Variants in RAD51 observed in about 807,000 individuals in gnomAD.
The protein encoded by RAD51 is RAD51 recombinase.
Under a neutral mutation model 41.5 loss-of-function variants are expected in RAD51, and 14 were observed. That is an observed-to-expected ratio of 0.34 (90% CI 0.22 to 0.53). The LOEUF (loss-of-function observed/expected upper bound fraction) is 0.53. RAD51 is among the 20% of genes least tolerant of loss of function. The pLI is 0.95. For synonymous variants in RAD51, 136 were observed against 148.6 expected (o/e 0.92, Z 0.62); for missense variants, 234 against 422.0 (o/e 0.55, Z 3.90).
intron 1 of RAD51, among the ~76,000 whole-genome samples, chr15:40,697,244 G>A (rs1455162566): frequency 6.6e-6 from 1 of 152,096 alleles, no homozygotes; most frequent in South Asian, 2.1e-4. Context: ...GGGATTACAG[G>A]CATGTGCCAC....
chr15:40,696,824 A>T (rs532882943), intron 1 of RAD51, among the ~76,000 whole-genome samples: 1 of 149,940 alleles, frequency 6.7e-6, no homozygotes, highest in African/African-American at 2.4e-5. Context: ...GTAATGTCTT[A>T]ATGTGATTTT....
chr15:40,707,787 G>A (rs1399164588), intron 4 of RAD51, among the ~76,000 whole-genome samples: 2 of 151,676 alleles, frequency 1.3e-5, no homozygotes, highest in African/African-American at 2.4e-5. Flanking sequence ...GCACAATCTC[G>A]GCTCATTGCA....
intron 5 of RAD51, among the ~76,000 whole-genome samples, chr15:40,710,882 T>G (rs1160353335): frequency 1.3e-5 from 2 of 152,188 alleles, no homozygotes; most frequent in African/African-American, 4.8e-5. Context: ...CTCTTGTACC[T>G]CTCTATGAGA....
In RAD51 at chr15:40,719,603, C is replaced by T. The variant is rs568946802; in HGVS notation, c.530+704C>T. ...ATCCCAACACTTTGGGAGGCTGAAGCGGGTGGATCACGAGGTCAGGAGATC... is the reference window on the plus strand; with the variant it reads ...ATCCCAACACTTTGGGAGGCTGAAGTGGGTGGATCACGAGGTCAGGAGATC... On this transcript the variant is annotated intron_variant, in intron 6 of 9. Coordinates refer to ENST00000267868, the MANE Select transcript of RAD51 (RefSeq NM_002875.5). Among the ~76,000 whole-genome samples, 56 of 152,254 alleles carry T rather than the reference C, an allele frequency of 3.7e-4. No homozygotes were observed. In the South Asian group the frequency reaches 8.5e-3, roughly 23 times the overall value.
chr15:40,720,687 C>T (rs887470298), intron 6 of RAD51, among the ~76,000 whole-genome samples: 1 of 151,288 alleles, frequency 6.6e-6, no homozygotes, highest in Admixed American at 6.6e-5. Context: ...ATATACTAGA[C>T]AATAACAATT....
chr15:40,724,673 T>TG lies in RAD51; in HGVS notation c.531-4038_531-4037insG, dbSNP rs1491194307. 8.0e-4 allele frequency among the ~76,000 whole-genome samples: 66 copies of TG among 82,064 alleles called. 2 individuals are homozygous for TG. The highest frequency in any genetic ancestry group is 7.0e-3 in the Middle Eastern group (1 of 142). The allele number at this position is 82,064 out of a possible 152,430, so 53.8% of individuals were successfully genotyped here. A position where few individuals can be genotyped will look rare whatever the true frequency, so the allele number is the denominator to read the frequency against. ...ACCAAGCCCAGCTAATTTTTTTATT[T>TG]CTTTTTTTTTTTTTTTTTTTTTTTG... is the stretch of plus-strand genomic sequence containing the variant. On this transcript the variant is annotated intron_variant, in intron 6 of 9. Transcript: ENST00000267868.
Position 40,731,083 on chromosome 15 carries a change from A to G in RAD51, c.925A>G (p.Thr309Ala). The change falls in exon 10 of 10, where the codon ACC becomes GCC. Residue 309 changes from threonine (T) to alanine (A), a missense_variant. Physicochemically the swap from Thr to Ala is moderately conservative, Grantham distance 58. This residue lies in a region of RAD51 where 134 missense variants were observed against 286.5 expected (regional missense o/e 0.47). Transcript: ENST00000267868. ...RLYLRKGRGE[T>A]RICKIYDSPC... ...GTATCTGAGGAAAGGAAGAGGGGAA[A>G]CCAGAATCTGCAAAATCTACGACTC... is the stretch of plus-strand genomic sequence containing the variant. 6.2e-7 allele frequency: 1 copy of G among 1,614,126 alleles called. No homozygotes were observed. The highest frequency in any genetic ancestry group is 8.5e-7 in the Non-Finnish European group (1 of 1,180,012).
chr15:40,719,951 A>C (rs1896190795), intron 6 of RAD51, among the ~76,000 whole-genome samples: 1 of 152,238 alleles, frequency 6.6e-6, no homozygotes, highest in Admixed American at 6.5e-5. Flanking sequence ...AAACCCCAAA[A>C]TAACATGAAA....
chr15:40,715,438 C>A (rs536874793), intron 5 of RAD51, among the ~76,000 whole-genome samples: 35 of 152,272 alleles, frequency 2.3e-4, no homozygotes, highest in African/African-American at 7.9e-4. Context: ...GAACATTTCA[C>A]ATATATGCAA....
chr15:40,725,973 G>T (rs967791907), intron 6 of RAD51, among the ~76,000 whole-genome samples: 1 of 151,576 alleles, frequency 6.6e-6, no homozygotes, highest in Admixed American at 6.6e-5. Context: ...GCGACAGAGT[G>T]AGACTCCATC....
intron 5 of RAD51, 116 bp from the exon 6 acceptor site, chr15:40,718,685 GTCAT>G (rs1162853074): frequency 2.3e-6 from 2 of 868,384 alleles, no homozygotes; most frequent in African/African-American, 3.3e-5. Flanking sequence ...TCCTACCACT[GTCAT>G]TTTTAAATGT....
At chr15:40,712,501 A>G (rs923135359) in intron 5 of RAD51, among the ~76,000 whole-genome samples, 2 of 152,210 alleles carry the variant, frequency 1.3e-5, no homozygotes, top group African/African-American at 2.4e-5. Flanking sequence ...ACAAACTTTC[A>G]TCTTTTCTGC....
At chr15:40,724,879 A>AT (rs1375603411) in intron 6 of RAD51, among the ~76,000 whole-genome samples, 5 of 91,870 alleles carry the variant, frequency 5.4e-5, no homozygotes, top group Admixed American at 1.3e-4. Flanking sequence ...ATTTTTTTTA[A>AT]TTTTTTTTAA....
At chr15:40,703,866 T>C (rs1466753504) in intron 3 of RAD51, among the ~76,000 whole-genome samples, 1 of 152,010 alleles carries the variant, frequency 6.6e-6, no homozygotes, top group African/African-American at 2.4e-5. Flanking sequence ...CTGCTTGCTT[T>C]GTTTTGTTTG....
At chr15:40,698,005 A>G (rs1287413447) in intron 1 of RAD51, among the ~76,000 whole-genome samples, 14 of 152,206 alleles carry the variant, frequency 9.2e-5, no homozygotes, top group Admixed American at 8.5e-4. Context: ...TATACATTAC[A>G]TTAGTGTTTA....
intron 5 of RAD51, among the ~76,000 whole-genome samples, chr15:40,713,246 T>TC (rs1480956778): frequency 4.5e-5 from 1 of 22,138 alleles, no homozygotes; most frequent in African/African-American, 1.3e-4. Flanking sequence ...CTTATTTTCC[T>TC]TTTTTTTTTT....
chr15:40,713,895 C>T (rs1319962838), intron 5 of RAD51, among the ~76,000 whole-genome samples: 6 of 152,124 alleles, frequency 3.9e-5, no homozygotes, highest in African/African-American at 1.2e-4. Context: ...TGTGAGCCAC[C>T]GTGCCTGGCT....
At chr15:40,714,939 T>C in intron 5 of RAD51, among the ~76,000 whole-genome samples, 1 of 152,238 alleles carries the variant, frequency 6.6e-6, no homozygotes, top group East Asian at 1.9e-4. Context: ...TTTGGGAGGC[T>C]GAGGCCGGAG....
In RAD51 at chr15:40,729,921, T is replaced by A. The variant is rs759891384; in HGVS notation, c.843T>A (p.Ala281=). 6 of 1,614,232 alleles carry A rather than the reference T, an allele frequency of 3.7e-6. No homozygotes were observed. The highest frequency in any genetic ancestry group is 5.1e-6 in the Non-Finnish European group (6 of 1,180,020). ...TGGATGGAGCAGCGATGTTTGCTGC[T>A]GATCCCAAAAAACCTATTGGAGGAA... ...AQVDGAAMFA[A]DPKKPIGGNI... The change falls in exon 9 of 10, where the codon GCT becomes GCA. Residue 281 remains alanine, a synonymous_variant. Transcript: ENST00000267868.
Sources: allele counts gnomAD v4.1 joint callset (sites outside exome capture counted in the v4.1 genomes callset), GRCh38; gene constraint gnomAD v4.1.1; regional missense constraint gnomAD v4.1.1; transcripts MANE v1.5; gene names NCBI Gene and HGNC (gene_info 2026-07-23, HGNC 2026-07-21).